Variants in RNF212 observed in about 807,000 individuals in gnomAD.
The protein encoded by RNF212 is probable E3 SUMO-protein ligase RNF212.
Under a neutral mutation model 34.7 loss-of-function variants are expected in RNF212, and 33 were observed. The ratio of observed to expected loss-of-function variants is 0.95; its 90% confidence interval spans 0.72 to 1.27. The LOEUF is 1.27. RNF212 is among the 50% of genes most tolerant of loss of function. RNF212 has a pLI of 0.00. For missense variants in RNF212, 377 were observed against 362.2 expected (o/e 1.04, Z -0.33); for synonymous variants, 140 against 136.1 (o/e 1.03, Z -0.20).
intron 3 of RNF212, chr4:1,093,380 A>AT: frequency 7.6e-7 from 1 of 1,322,640 alleles, no homozygotes; most frequent in Non-Finnish European, 9.9e-7. Flanking sequence ...TATTGTAACA[A>AT]ATGCCAATAT....
intron 2 of RNF212, among the ~76,000 whole-genome samples, chr4:1,104,706 C>G (rs1338203544): frequency 6.6e-6 from 1 of 152,204 alleles, no homozygotes; most frequent in African/African-American, 2.4e-5. Flanking sequence ...GCCCCCACCA[C>G]CACTGTCACT....
At chr4:1,094,152 C>T in intron 3 of RNF212, 1 of 1,151,980 alleles carries the variant, frequency 8.7e-7, no homozygotes, top group Non-Finnish European at 1.2e-6. Context: ...AGTCTCCTGC[C>T]TCAGATCCTG....
chr4:1,067,867 C>CAAAAAAAAAAA (rs1183457508), downstream of RNF212, among the ~76,000 whole-genome samples: 1 of 60,670 alleles, frequency 1.6e-5, no homozygotes. Context: ...GACTCTGTCT[C>CAAAAAAAAAAA]AAAAAAAAAA....
In RNF212 at chr4:1,072,823, G is replaced by T; in HGVS notation, c.*51C>A. ...GCAGATAATTTGTAGAAAAAACACA[G>T]AGGAATAAATTGAAAACACTCAGAA... On this transcript the variant is annotated 3_prime_UTR_variant, in exon 10 of 10. Coordinates refer to ENST00000433731, the MANE Select transcript of RNF212 (RefSeq NM_001131034.4). The T allele has an allele frequency of 6.6e-7, 1 of 1,510,974 alleles. No homozygotes were observed. Among genetic ancestry groups the T allele is most frequent in the South Asian group, 1.3e-5 (1 of 76,906 alleles). The allele number at this position is 1,510,974 out of a possible 1,614,324, so 93.6% of individuals were successfully genotyped here. A position where few individuals can be genotyped will look rare whatever the true frequency, so the allele number is the denominator to read the frequency against.
intron 3 of RNF212, among the ~76,000 whole-genome samples, chr4:1,091,171 T>A (rs1021669062): frequency 4.6e-5 from 7 of 152,124 alleles, no homozygotes; most frequent in Non-Finnish European, 1.0e-4. Flanking sequence ...ACCAAACAGG[T>A]GTGGACCAAT....
Position 1,085,945 on chromosome 4 carries a change from A to G in RNF212, c.313T>C (p.Leu105=). 6.2e-7 allele frequency: 1 copy of G among 1,609,080 alleles called. No homozygotes were observed. The highest frequency in any genetic ancestry group is 8.5e-7 in the Non-Finnish European group (1 of 1,176,228). The change falls in exon 5 of 10, where the codon TTG becomes CTG. Residue 105 remains leucine (L), a synonymous_variant. Coordinates refer to ENST00000433731, the MANE Select transcript of RNF212 (RefSeq NM_001131034.4). ...ACTGACTTCCTAAGGGATTCTTCCAACCTAGAAATCTAAACATAATTACAC... is the reference window on the plus strand; with the variant it reads ...ACTGACTTCCTAAGGGATTCTTCCAGCCTAGAAATCTAAACATAATTACAC... ...LAFYREKISR[L]EESLRKSVLQ...
rs111373612 is a variant in RNF212 at position 1,079,252 on chromosome 4, C to T, written c.510+391G>A. 3.3e-5 allele frequency among the ~76,000 whole-genome samples: 5 copies of T among 152,126 alleles called. No homozygotes were observed. In the South Asian group the frequency reaches 6.3e-4, roughly 19 times the overall value. The stretch of plus-strand genomic sequence containing the variant: ...ACATGGGACCAACACAGGGTCAACA[C>T]AGGACCAACATGGGACCAACACAGG... On this transcript the variant is annotated intron_variant, in intron 8 of 9. Transcript: ENST00000433731.
downstream of RNF212, among the ~76,000 whole-genome samples, chr4:1,068,267 A>G (rs1301797849): frequency 6.6e-6 from 1 of 152,198 alleles, no homozygotes; most frequent in Non-Finnish European, 1.5e-5. Flanking sequence ...GAGAAAATAT[A>G]CTCATCGACA....
intron 3 of RNF212, chr4:1,096,523 C>G: frequency 2.1e-6 from 1 of 471,064 alleles, no homozygotes; most frequent in Middle Eastern, 6.6e-4. Flanking sequence ...CCCCCCACAG[C>G]TCCACGGTCT....
chr4:1,070,000 G>A (rs560773770), downstream of RNF212, among the ~76,000 whole-genome samples: 148 of 151,634 alleles, frequency 9.8e-4, 1 homozygote, highest in African/African-American at 3.5e-3. Context: ...GGATTGCGCT[G>A]TGTCAGCGTG....
chr4:1,100,168 G>A (rs1323065181), intron 2 of RNF212: 4 of 324,312 alleles, frequency 1.2e-5, no homozygotes, highest in African/African-American at 4.3e-5. Flanking sequence ...GACTTTGCAC[G>A]GTTTCAGAAT....
chr4:1,062,896 A>G (rs974789033), intron 3 of RNF212, among the ~76,000 whole-genome samples: 5 of 152,222 alleles, frequency 3.3e-5, no homozygotes, highest in Non-Finnish European at 7.3e-5. Context: ...AATCAGTTGT[A>G]TTTCTACATA....
At chr4:1,109,084 T>G (rs1270549323) in intron 1 of RNF212, among the ~76,000 whole-genome samples, 1 of 149,842 alleles carries the variant, frequency 6.7e-6, no homozygotes, top group Non-Finnish European at 1.5e-5. Context: ...CTTGGCTCAC[T>G]GCAACCTCCA....
At chr4:1,063,259 A>G (rs1304479104) in intron 3 of RNF212, among the ~76,000 whole-genome samples, 1 of 152,214 alleles carries the variant, frequency 6.6e-6, no homozygotes, top group African/African-American at 2.4e-5. Flanking sequence ...AAACAATCTC[A>G]AAAAAGAACA....
At chr4:1,056,318 C>T (rs1431079954) in exon 5 of RNF212, 2 of 153,786 alleles carry the variant, frequency 1.3e-5, no homozygotes, top group African/African-American at 2.4e-5. Flanking sequence ...AAAGTACAGT[C>T]GCACTGGCTG....
At chr4:1,068,437 G>C (rs1230360323), downstream of RNF212, among the ~76,000 whole-genome samples, 1 of 152,130 alleles carries the variant, frequency 6.6e-6, no homozygotes, top group East Asian at 1.9e-4. Flanking sequence ...AGTTATGTTT[G>C]CTGTGGTTGC....
At chr4:1,106,270 A>T (rs1482872124) in intron 2 of RNF212, among the ~76,000 whole-genome samples, 1 of 150,908 alleles carries the variant, frequency 6.6e-6, no homozygotes, top group East Asian at 1.9e-4. Flanking sequence ...ACACACACAC[A>T]CACACACACA....
chr4:1,103,572 G>C (rs1400166445), intron 2 of RNF212, among the ~76,000 whole-genome samples: 1 of 152,076 alleles, frequency 6.6e-6, no homozygotes, highest in African/African-American at 2.4e-5. Context: ...TTTGTTCCTA[G>C]AATCTAACGT....
chr4:1,094,122 C>A, intron 3 of RNF212: 1 of 1,309,040 alleles, frequency 7.6e-7, no homozygotes, highest in Non-Finnish European at 1.0e-6. Context: ...AAGGAGAGTG[C>A]CATGCAGGGG....
Sources: gnomAD v4.1 joint callset for allele counts (sites outside exome capture counted in the v4.1 genomes callset) on GRCh38, gnomAD v4.1.1 for gene constraint, MANE v1.5 for transcripts, NCBI Gene and HGNC (gene_info 2026-07-23, HGNC 2026-07-21) for gene names.